ERBB4: variants seen among roughly 807,000 people sequenced by gnomAD.
ERBB4 encodes erb-b2 receptor tyrosine kinase 4, also known as receptor tyrosine-protein kinase erbB-4.
A neutral mutation model predicts 158.0 loss-of-function variants in ERBB4; 42 were observed. The observed-to-expected ratio is 0.27, with a 90% CI of 0.21 to 0.34. The LOEUF (loss-of-function observed/expected upper bound fraction) is 0.34. Among genes scored for constraint, ERBB4 ranks in the 10% least tolerant of loss-of-function variants. The probability of loss-of-function intolerance (pLI) is 1.00; values close to 1 mark genes in which losing one functional copy is unlikely to be tolerated. For missense variants in ERBB4, 1,333 were observed against 1,624.1 expected, an observed-to-expected ratio of 0.82 and a Z score of 3.08; for synonymous variants, 583 against 558.7, an observed-to-expected ratio of 1.04 and a Z score of -0.61.
chr2:211,638,146 A>C (rs1011427254), intron 16 of ERBB4, among the ~76,000 whole-genome samples: 1 of 151,880 alleles, frequency 6.6e-6, no homozygotes, highest in African/African-American at 2.4e-5. Flanking sequence ...AAGTGAGAAA[A>C]CAGTTAAAAT....
chr2:212,247,530 G>A (rs1352226989), intron 1 of ERBB4, among the ~76,000 whole-genome samples: 2 of 152,092 alleles, frequency 1.3e-5, no homozygotes, highest in East Asian at 1.9e-4. Context: ...AAAATTATTA[G>A]AATTGGTTGA....
At chr2:212,203,721 T>C (rs2082654924) in intron 1 of ERBB4, among the ~76,000 whole-genome samples, 1 of 152,208 alleles carries the variant, frequency 6.6e-6, no homozygotes, top group Non-Finnish European at 1.5e-5. Context: ...CCAATCTCTG[T>C]CCACTTCCTA....
chr2:211,709,236 TATATATATATATATACAC>T (rs1474846321), intron 9 of ERBB4, among the ~76,000 whole-genome samples: 3 of 87,250 alleles, frequency 3.4e-5, no homozygotes, highest in African/African-American at 1.5e-4. Flanking sequence ...CGTGTGTGTG[TATATATATATATATACAC>T]ATATATATAT....
chr2:211,912,578 C>T (rs1326045116), intron 3 of ERBB4, among the ~76,000 whole-genome samples: 1 of 152,106 alleles, frequency 6.6e-6, no homozygotes, highest in Non-Finnish European at 1.5e-5. Flanking sequence ...CAACCTCTGA[C>T]TATAACTCTC....
intron 1 of ERBB4, among the ~76,000 whole-genome samples, chr2:212,293,929 G>C (rs1258896813): frequency 6.6e-6 from 1 of 150,498 alleles, no homozygotes; most frequent in African/African-American, 2.4e-5. Flanking sequence ...TGTGTGTAGA[G>C]AGAATATGAA....
chr2:211,590,848 A>G (rs1382590089), intron 19 of ERBB4, among the ~76,000 whole-genome samples: 1 of 152,240 alleles, frequency 6.6e-6, no homozygotes, highest in Non-Finnish European at 1.5e-5. Context: ...CTGGGTGGTT[A>G]CAGGGAGAGG....
intron 2 of ERBB4, among the ~76,000 whole-genome samples, chr2:211,993,315 C>A (rs1026183203): frequency 1.3e-5 from 2 of 152,148 alleles, no homozygotes; most frequent in African/African-American, 4.8e-5. Flanking sequence ...TGTGAAGACA[C>A]GACGAGAGGG....
intron 1 of ERBB4, among the ~76,000 whole-genome samples, chr2:212,439,312 C>A (rs2092203641): frequency 6.6e-6 from 1 of 152,158 alleles, no homozygotes. Context: ...TTCTGCCTCA[C>A]TTCTACGTTT....
At chr2:212,478,371 A>G (rs16848661) in intron 1 of ERBB4, among the ~76,000 whole-genome samples, 11,155 of 152,078 alleles carry the variant, frequency 0.073, 1,046 homozygotes, top group African/African-American at 0.22. Context: ...GTACAACTAG[A>G]TTCTCTTTCA....
At chr2:211,699,877 T>G (rs6715164) in intron 12 of ERBB4, among the ~76,000 whole-genome samples, 1 of 152,070 alleles carries the variant, frequency 6.6e-6, no homozygotes, top group Non-Finnish European at 1.5e-5. Context: ...ATATAATTTA[T>G]TGAAATATCC....
chr2:212,038,405 T>C (rs75717672), intron 2 of ERBB4, among the ~76,000 whole-genome samples: 9,470 of 152,148 alleles, frequency 0.062, 310 homozygotes, highest in South Asian at 0.1. Context: ...GGCTTTTTAC[T>C]ACAACTAAGG....
chr2:212,443,254 A>G (rs1294831207), intron 1 of ERBB4, among the ~76,000 whole-genome samples: 1 of 152,242 alleles, frequency 6.6e-6, no homozygotes, highest in South Asian at 2.1e-4. Context: ...TCTCCACAAG[A>G]TATCATATTG....
intron 2 of ERBB4, among the ~76,000 whole-genome samples, chr2:212,118,046 C>A (rs866102395): frequency 3.9e-5 from 6 of 152,170 alleles, no homozygotes; most frequent in Middle Eastern, 3.4e-3. Flanking sequence ...CAGCTTAGCC[C>A]GGACACAGAG....
At chr2:211,733,855 C>T (rs1047884027) in intron 5 of ERBB4, among the ~76,000 whole-genome samples, 9 of 151,088 alleles carry the variant, frequency 6.0e-5, no homozygotes, top group East Asian at 5.8e-4. Flanking sequence ...CAGAGGCAGG[C>T]GGATCACTTG....
intron 1 of ERBB4, among the ~76,000 whole-genome samples, chr2:212,213,220 G>GAA (rs58537353): frequency 5.9e-5 from 9 of 151,588 alleles, no homozygotes; most frequent in Admixed American, 1.3e-4. Flanking sequence ...AAATTTACAA[G>GAA]AAAAAAACAA....
intron 1 of ERBB4, among the ~76,000 whole-genome samples, chr2:212,146,425 G>T (rs896042369): frequency 6.6e-6 from 1 of 152,154 alleles, no homozygotes; most frequent in African/African-American, 2.4e-5. Flanking sequence ...GAAGCATATG[G>T]TGCTAAGCTA....
intron 3 of ERBB4, among the ~76,000 whole-genome samples, chr2:211,877,193 G>C (rs1402441988): frequency 6.6e-6 from 1 of 152,162 alleles, no homozygotes; most frequent in African/African-American, 2.4e-5. Flanking sequence ...CTTGCTTCTT[G>C]TCAGCTGGCA....
intron 1 of ERBB4, among the ~76,000 whole-genome samples, chr2:212,223,438 T>C (rs987372550): frequency 1.4e-5 from 2 of 147,878 alleles, no homozygotes; most frequent in Admixed American, 6.8e-5. Flanking sequence ...TTTTTTTTAT[T>C]TATATACATT....
At position 211,925,614 on chromosome 2, in the gene ERBB4, C is replaced by G. The variant is rs78043789; in HGVS notation, c.421+21816G>C. On this transcript the variant is annotated intron_variant, in intron 3 of 27. Coordinates refer to ENST00000342788, the MANE Select transcript of ERBB4 (RefSeq NM_005235.3). ...TCCAGGCTGATCTCAAACTCCTGAC[C>G]TTGTGATCCGCCCACCTCGGCCTCC... Among the ~76,000 whole-genome samples the G allele has an allele frequency of 0.013, 2,049 of 152,116 alleles. 131 individuals are homozygous for G. The East Asian group carries it at 0.21, about 16-fold the overall frequency.
Sources: allele counts gnomAD v4.1 joint callset (sites outside exome capture counted in the v4.1 genomes callset), GRCh38; gene constraint gnomAD v4.1.1; transcripts MANE v1.5; gene names NCBI Gene and HGNC (gene_info 2026-07-23, HGNC 2026-07-21).